CLN3: variants seen among roughly 807,000 people sequenced by gnomAD.
The protein encoded by CLN3 is CLN3 lysosomal/endosomal transmembrane protein, battenin.
Under a neutral mutation model 60.7 loss-of-function variants are expected in CLN3, and 49 were observed. The observed-to-expected ratio is 0.81, with a 90% CI of 0.64 to 1.02. CLN3 has a LOEUF of 1.02. Among genes scored for constraint, CLN3 ranks in the 50% least tolerant of loss-of-function variants. The pLI is 0.00. For synonymous variants in CLN3, 256 were observed against 245.8 expected, an observed-to-expected ratio of 1.04 and a Z score of -0.39; for missense variants, 516 against 557.4, an observed-to-expected ratio of 0.93 and a Z score of 0.75.
chr16:28,479,856 C>T (rs2046058112), intron 14 of CLN3: 1 of 157,966 alleles, frequency 6.3e-6, no homozygotes. Context: ...TCTACAAGCA[C>T]CCTGAGTTAT....
chr16:28,486,077 C>A (rs1015471340), intron 9 of CLN3, among the ~76,000 whole-genome samples: 4 of 151,728 alleles, frequency 2.6e-5, no homozygotes, highest in Non-Finnish European at 5.9e-5. Context: ...GGCTCACTGC[C>A]ACCACTGCCT....
At chr16:28,486,764 T>A (rs1314925930) in intron 7 of CLN3, 114 bp from the exon 8 acceptor site, 1 of 1,007,548 alleles carries the variant, frequency 9.9e-7, no homozygotes, top group African/African-American at 1.6e-5. Flanking sequence ...CTCCAATAGA[T>A]CCCATGCATA....
chr16:28,477,918 G>T (rs2046024913), intron 14 of CLN3, 41 bp from the exon 15 acceptor site: 2 of 1,609,482 alleles, frequency 1.2e-6, no homozygotes, highest in South Asian at 2.2e-5. Flanking sequence ...ACCAGGGCGG[G>T]GCAGGGAAGG....
chr16:28,486,324 C>T (rs752677783), intron 9 of CLN3, 23 bp downstream of exon 9: 42 of 1,611,294 alleles, frequency 2.6e-5, no homozygotes, highest in Non-Finnish European at 3.5e-5. Context: ...GACCCCTCTC[C>T]CTCCCGGCTC....
At position 28,487,472 on chromosome 16, in the gene CLN3, C is replaced by T. The variant is rs1226004674; in HGVS notation, c.444G>A (p.Val148=). ...SFVLVAFSHS[V]GTSLCGVVFA... ...CACACTCACCACACAGGCTGGTCCC[C>T]ACAGAATGAGAAAAGGCAACCAGGA... Residue 148 remains valine (V), a synonymous_variant, in exon 7 of 16, where the codon GTG becomes GTA. Coordinates refer to ENST00000636147, the MANE Select transcript of CLN3 (RefSeq NM_001042432.2). 1 of 1,613,924 alleles carries T rather than the reference C, an allele frequency of 6.2e-7. No homozygotes were observed.
chr16:28,489,246 C>A, intron 4 of CLN3, 44 bp downstream of exon 4: 1 of 1,485,280 alleles, frequency 6.7e-7, no homozygotes, highest in East Asian at 2.3e-5. Context: ...CCCTCATCTT[C>A]CCACAGGGAC....
At chr16:28,468,810 A>C in the CLN3 span, among the ~76,000 whole-genome samples, 1 of 83,822 alleles carries the variant, frequency 1.2e-5, no homozygotes, top group Middle Eastern at 4.7e-3. Flanking sequence ...CTGTCTCAAA[A>C]AAAAAAAAAA....
At position 28,487,713 on chromosome 16, in the gene CLN3, G is replaced by A. The variant is rs769953653; in HGVS notation, c.323C>T (p.Thr108Ile). The change falls in exon 6 of 16, where the codon ACA (threonine) becomes ATA (isoleucine). Residue 108 changes from threonine (T) to isoleucine (I), a missense_variant. Thr to Ile is a moderately conservative substitution (Grantham distance 89). Transcript: ENST00000636147. ...AGGAGCCAACAATTTGATGACGAGT[G>A]TGGGGAGGATGTCCGCCAGGAGCAC... ...AAVLLADILPTLVIKLLAPLG... is the reference protein window; with the variant it reads ...AAVLLADILPILVIKLLAPLG... The A allele has an allele frequency of 8.1e-6, 13 of 1,613,938 alleles. No individual in the cohort carries two copies. The highest frequency in any genetic ancestry group is 1.0e-5 in the Non-Finnish European group (12 of 1,179,904).
In CLN3 at chr16:28,491,535, C is replaced by A. The variant is rs756670390; in HGVS notation, c.72G>T (p.Arg24=). The A allele has an allele frequency of 6.2e-7, 1 of 1,614,042 alleles. No homozygotes were observed. Among genetic ancestry groups the A allele is most frequent in the Non-Finnish European group, 8.5e-7 (1 of 1,180,042 alleles). The change falls in exon 3 of 16, where the codon CGG becomes CGT. Residue 24 remains arginine, a synonymous_variant. Coordinates refer to ENST00000636147, the MANE Select transcript of CLN3 (RefSeq NM_001042432.2). ...CGCCCTGATGGTCCAACAGAGGGAG[C>A]CGGGGCTCCGGGACGGTCTCCTCCC... The part of the protein sequence containing the change: ...SEGEETVPEP[R]LPLLDHQGAH...
chr16:28,491,767 A>C lies in CLN3; in HGVS notation c.-8T>G. On this transcript the variant is annotated 5_prime_UTR_variant, in exon 2 of 16. Coordinates refer to ENST00000636147, the MANE Select transcript of CLN3 (RefSeq NM_001042432.2). ...GCCTGCACAGCCTCCCATCGCATCA[A>C]GTTCAGGTCCCCCGAGGGTCCAGGG... The C allele has an allele frequency of 1.2e-6, 2 of 1,613,674 alleles. No homozygotes were observed. Among genetic ancestry groups the C allele is most frequent in the Non-Finnish European group, 1.7e-6 (2 of 1,180,014 alleles).
chr16:28,491,899 T>C lies in CLN3; in HGVS notation c.-76-64A>G, dbSNP rs998587942. 6.0e-5 allele frequency: 67 copies of C among 1,121,060 alleles called. No individual in the cohort carries two copies. In the Middle Eastern group the frequency reaches 1.1e-3, roughly 19 times the overall value. 69.4% of individuals were successfully genotyped at this position (1,121,060 alleles called of 1,614,324 possible). A position where few individuals can be genotyped will look rare whatever the true frequency, so the allele number is the denominator to read the frequency against. ...CCCAGCTCCGGCTTGTCTAGGGCACTCGCGCCCCGCGATCCATCAAGGAAG... is the reference window on the plus strand; with the variant it reads ...CCCAGCTCCGGCTTGTCTAGGGCACCCGCGCCCCGCGATCCATCAAGGAAG... On this transcript the variant is annotated intron_variant, in intron 1 of 15. Transcript: ENST00000636147.
chr16:28,483,685 T>G (rs932687761), intron 10 of CLN3, among the ~76,000 whole-genome samples: 1 of 149,686 alleles, frequency 6.7e-6, no homozygotes, highest in Non-Finnish European at 1.5e-5. Flanking sequence ...TATCCCTTCT[T>G]CTCTCCCTCC....
downstream of CLN3, among the ~76,000 whole-genome samples, chr16:28,472,369 A>G (rs1224164952): frequency 3.3e-5 from 5 of 152,102 alleles, no homozygotes; most frequent in South Asian, 1.0e-3. Flanking sequence ...ATCCTGGGTG[A>G]CAAAAACCCT....
chr16:28,486,848 C>A, intron 7 of CLN3, 198 bp from the exon 8 acceptor site: 1 of 649,650 alleles, frequency 1.5e-6, no homozygotes, highest in East Asian at 2.7e-5. Context: ...CCTCCATCCA[C>A]CCAGTTATCA....
chr16:28,485,863 G>C (rs922895284), intron 9 of CLN3, among the ~76,000 whole-genome samples: 2 of 152,038 alleles, frequency 1.3e-5, no homozygotes, highest in Admixed American at 1.3e-4. Flanking sequence ...GGAGTAACTT[G>C]TTCAACGCTA....
chr16:28,491,985 C>T, intron 1 of CLN3, 35 bp downstream of exon 1: 3 of 627,394 alleles, frequency 4.8e-6, no homozygotes, highest in South Asian at 3.7e-5. Flanking sequence ...TACTCTCCCC[C>T]GCCCCGTCTA....
rs1275580991 is a variant in CLN3, at chr16:28,477,860, G to A, written c.1074C>T (p.Phe358=). ...LALLQCLNLV[F]LLADVWFGFL... ...AGCCGAACCACACGTCTGCCAGCAG[G>A]AACACCAGGTTGAGGCACTGTGAAC... The change falls in exon 15 of 16, where the codon TTC becomes TTT. Residue 358 remains phenylalanine, a synonymous_variant. Coordinates refer to ENST00000636147, the MANE Select transcript of CLN3 (RefSeq NM_001042432.2). The A allele has an allele frequency of 3.7e-6, 6 of 1,613,960 alleles. No homozygotes were observed. In the Admixed American group the frequency reaches 6.7e-5, roughly 18 times the overall value.
At chr16:28,483,952 A>G in intron 10 of CLN3, 54 bp downstream of exon 10, 1 of 1,343,818 alleles carries the variant, frequency 7.4e-7, no homozygotes, top group Non-Finnish European at 1.0e-6. Flanking sequence ...AGAGAGGAAA[A>G]GGCCAAACCC....
chr16:28,484,156 T>A, intron 9 of CLN3, 38 bp from the exon 10 acceptor site: 2 of 1,511,808 alleles, frequency 1.3e-6, no homozygotes, highest in South Asian at 2.4e-5. Context: ...AAAACCCTAC[T>A]GGCTGGGAAG....
Sources: allele counts gnomAD v4.1 joint callset (sites outside exome capture counted in the v4.1 genomes callset), GRCh38; gene constraint gnomAD v4.1.1; transcripts MANE v1.5; gene names NCBI Gene and HGNC (gene_info 2026-07-23, HGNC 2026-07-21).